The following PDE1C variants were observed in gnomAD, a reference collection of about 807,000 sequenced individuals.
PDE1C encodes the protein dual specificity calcium/calmodulin-dependent 3',5'-cyclic nucleotide phosphodiesterase 1C.
A neutral mutation model predicts 93.1 loss-of-function variants in PDE1C; 62 were observed. The ratio of observed to expected loss-of-function variants is 0.67; its 90% CI spans 0.54 to 0.82. The LOEUF (loss-of-function observed/expected upper bound fraction) is 0.82. PDE1C is among the 40% of genes least tolerant of loss of function. The pLI is 0.00. For synonymous variants in PDE1C, 325 were observed against 310.1 expected (o/e 1.05, Z -0.50); for missense variants, 742 against 884.6 (o/e 0.84, Z 2.04).
intron 1 of PDE1C, among the ~76,000 whole-genome samples, chr7:32,255,818 T>C (rs1373715705): frequency 6.6e-6 from 1 of 152,260 alleles, no homozygotes; most frequent in East Asian, 1.9e-4. Context: ...TAAGCATGCA[T>C]GGTCAGGAGT....
In PDE1C at chr7:32,389,615, C is replaced by G. The variant is rs999276187; in HGVS notation, c.310+38207G>C. On this transcript the variant is annotated intron_variant, in intron 1 of 1. Transcript: ENST00000672256. Reference sequence around the variant, plus strand: ...AATCCAGGCCAATCCAGGTGGGTTGCATACTCACAGACCTGGGACCTGGCC... The same window carrying G: ...AATCCAGGCCAATCCAGGTGGGTTGGATACTCACAGACCTGGGACCTGGCC... Among the ~76,000 whole-genome samples, 7 of 152,180 alleles carry G rather than the reference C, an allele frequency of 4.6e-5. No homozygotes were observed. In the East Asian group the frequency reaches 1.3e-3, roughly 29 times the overall value.
rs372567282 is a variant in PDE1C, at chr7:32,050,426, G to A, written c.128+1128C>T. ...GAAATAAAAGAGGTCATGGGAGACC[G>A]TCTGTGCCATTATTGTCCAATGAAA... is the stretch of plus-strand genomic sequence containing the variant. On this transcript the variant is annotated intron_variant, in intron 2 of 17. Transcript: ENST00000396191. 4.6e-5 allele frequency among the ~76,000 whole-genome samples: 7 copies of A among 152,128 alleles called. No homozygotes were observed. The East Asian group carries it at 5.8e-4, about 13-fold the overall frequency.
intron 2 of PDE1C, among the ~76,000 whole-genome samples, chr7:31,932,177 A>T (rs1804400225): frequency 6.6e-6 from 1 of 152,232 alleles, no homozygotes; most frequent in Non-Finnish European, 1.5e-5. Flanking sequence ...CATGACTAAA[A>T]CAACGAAAGC....
chr7:32,329,058 C>T (rs1783461496), intron 1 of PDE1C, among the ~76,000 whole-genome samples: 1 of 152,084 alleles, frequency 6.6e-6, no homozygotes, highest in Non-Finnish European at 1.5e-5. Flanking sequence ...ACGGCAAAAC[C>T]TTATCTCTAG....
chr7:32,029,044 C>CA (rs934718148), intron 2 of PDE1C, among the ~76,000 whole-genome samples: 6 of 151,482 alleles, frequency 4.0e-5, no homozygotes, highest in Non-Finnish European at 5.9e-5. Flanking sequence ...AATTCAATAG[C>CA]AAAAAAACAA....
At chr7:31,740,723 G>C in the PDE1C span, among the ~76,000 whole-genome samples, 1 of 152,004 alleles carries the variant, frequency 6.6e-6, no homozygotes, top group Non-Finnish European at 1.5e-5. Flanking sequence ...ATAATATATG[G>C]CAATGGATTC....
intron 3 of PDE1C, among the ~76,000 whole-genome samples, chr7:32,099,488 T>C (rs889305208): frequency 1.3e-5 from 2 of 152,354 alleles, no homozygotes; most frequent in Non-Finnish European, 1.5e-5. Context: ...CAGGTCCTTT[T>C]CACCTCTAAC....
At chr7:31,707,636 T>A in the PDE1C span, 2 of 211,272 alleles carry the variant, frequency 9.5e-6, no homozygotes, top group Non-Finnish European at 1.9e-5. Flanking sequence ...TCCTTCTTGG[T>A]TTTTGCTGCT....
intron 2 of PDE1C, among the ~76,000 whole-genome samples, chr7:32,190,191 A>G (rs1488155077): frequency 1.3e-5 from 2 of 152,234 alleles, no homozygotes; most frequent in African/African-American, 4.8e-5. Flanking sequence ...GCAGCTGCAA[A>G]TGTAAGAATT....
intron 1 of PDE1C, among the ~76,000 whole-genome samples, chr7:32,288,929 C>G (rs1812170200): frequency 6.6e-6 from 1 of 152,140 alleles, no homozygotes; most frequent in South Asian, 2.1e-4. Flanking sequence ...GCAGAAATAC[C>G]TTCAGGTTTG....
chr7:31,828,268 A>G, intron 12 of PDE1C, 24 bp downstream of exon 12: 2 of 1,592,754 alleles, frequency 1.3e-6, no homozygotes, highest in Non-Finnish European at 1.7e-6. Flanking sequence ...TGGTGCTTCT[A>G]TCCAAAGAGC....
intron 3 of PDE1C, among the ~76,000 whole-genome samples, chr7:32,124,409 A>C (rs1799457881): frequency 1.3e-5 from 2 of 152,186 alleles, no homozygotes; most frequent in Admixed American, 6.5e-5. Flanking sequence ...AATCCTAAGG[A>C]AAAAGAAAAA....
At chr7:31,628,142 C>T in the PDE1C span, among the ~76,000 whole-genome samples, 9 of 152,312 alleles carry the variant, frequency 5.9e-5, no homozygotes, top group South Asian at 4.1e-4. Flanking sequence ...CAATAAAGGA[C>T]GGCAGCCATT....
intron 1 of PDE1C, among the ~76,000 whole-genome samples, chr7:32,412,677 G>A (rs1785195569): frequency 7.0e-6 from 1 of 142,190 alleles, no homozygotes; most frequent in African/African-American, 2.7e-5. Flanking sequence ...CATCTTCTTT[G>A]ACATACATAT....
chr7:31,887,060 A>G (rs139181406), intron 2 of PDE1C, among the ~76,000 whole-genome samples: 2 of 152,292 alleles, frequency 1.3e-5, no homozygotes, highest in East Asian at 3.9e-4. Context: ...GCAGCTGAGT[A>G]GAGGAGCACA....
intron 1 of PDE1C, among the ~76,000 whole-genome samples, chr7:32,273,341 G>T (rs915748252): frequency 1.3e-5 from 2 of 152,174 alleles, no homozygotes; most frequent in Non-Finnish European, 2.9e-5. Context: ...CCATTAAAAT[G>T]AATTGAAAAA....
At chr7:31,812,953 C>T (rs1787731373) in intron 15 of PDE1C, among the ~76,000 whole-genome samples, 1 of 152,098 alleles carries the variant, frequency 6.6e-6, no homozygotes, top group Non-Finnish European at 1.5e-5. Context: ...AGTGATTTCA[C>T]TTCTCTGAGA....
At chr7:31,965,797 A>C (rs994904797) in intron 2 of PDE1C, among the ~76,000 whole-genome samples, 1 of 152,208 alleles carries the variant, frequency 6.6e-6, no homozygotes, top group Non-Finnish European at 1.5e-5. Context: ...GAGTGGGGGC[A>C]AATATGCAAC....
chr7:32,420,045 CA>C (rs11331899), intron 1 of PDE1C, among the ~76,000 whole-genome samples: 2,875 of 132,316 alleles, frequency 0.022, 79 homozygotes, highest in East Asian at 0.087. Context: ...GCTAACATGT[CA>C]AAACCCTGTC....
Sources: gnomAD v4.1 joint callset for allele counts (sites outside exome capture counted in the v4.1 genomes callset) on GRCh38, gnomAD v4.1.1 for gene constraint, MANE v1.5 for transcripts, NCBI Gene and HGNC (gene_info 2026-07-23, HGNC 2026-07-21) for gene names.